SYNDIG1: variants seen among roughly 807,000 people sequenced by gnomAD.
SYNDIG1 encodes synapse differentiation inducing 1.
In SYNDIG1, 9 loss-of-function variants were observed where a neutral mutation model predicts 19.4. The ratio of observed to expected loss-of-function variants is 0.46; its 90% confidence interval spans 0.28 to 0.81. The LOEUF (loss-of-function observed/expected upper bound fraction) is 0.81, where lower values mean the gene tolerates loss of function less well. Among genes scored for constraint, SYNDIG1 ranks in the 30% least tolerant of loss-of-function variants. The pLI is 0.12. For missense variants in SYNDIG1, 311 were observed against 343.3 expected, an observed-to-expected ratio of 0.91 and a Z score of 0.74; for synonymous variants, 141 against 145.9, an observed-to-expected ratio of 0.97 and a Z score of 0.24.
intron 2 of SYNDIG1, among the ~76,000 whole-genome samples, chr20:24,557,912 T>C (rs1045424033): frequency 1.1e-4 from 16 of 152,230 alleles, no homozygotes; most frequent in Non-Finnish European, 2.2e-4. Flanking sequence ...GCTGTTCCTA[T>C]TCGGCCATCT....
intron 3 of SYNDIG1, among the ~76,000 whole-genome samples, chr20:24,623,757 T>TA (rs1236344230): frequency 5.3e-5 from 8 of 152,154 alleles, no homozygotes; most frequent in African/African-American, 1.9e-4. Context: ...AACTATATAT[T>TA]AAAAAAGAAG....
At chr20:24,539,872 G>A (rs1033792697) in intron 1 of SYNDIG1, among the ~76,000 whole-genome samples, 3 of 152,088 alleles carry the variant, frequency 2.0e-5, no homozygotes, top group Admixed American at 1.3e-4. Flanking sequence ...TCTGCCTCCT[G>A]TGTTCAAGAA....
intron 3 of SYNDIG1, among the ~76,000 whole-genome samples, chr20:24,597,382 C>A (rs2058611782): frequency 1.3e-5 from 2 of 152,136 alleles, no homozygotes; most frequent in African/African-American, 4.8e-5. Context: ...CGTCTTGTGT[C>A]TTTTTTCCAA....
chr20:24,633,800 A>G (rs2059283966), intron 3 of SYNDIG1, among the ~76,000 whole-genome samples: 1 of 152,012 alleles, frequency 6.6e-6, no homozygotes, highest in Non-Finnish European at 1.5e-5. Context: ...GCCTGTCCTA[A>G]TGGACCAGGC....
intron 3 of SYNDIG1, among the ~76,000 whole-genome samples, chr20:24,609,983 A>G (rs1415980432): frequency 2.6e-5 from 4 of 152,016 alleles, no homozygotes; most frequent in Admixed American, 2.6e-4. Flanking sequence ...CACCACCACC[A>G]CATGGGGCCT....
At chr20:24,489,601 C>T (rs1239426556) in intron 1 of SYNDIG1, among the ~76,000 whole-genome samples, 1 of 152,232 alleles carries the variant, frequency 6.6e-6, no homozygotes, top group Non-Finnish European at 1.5e-5. Context: ...TGACCACACA[C>T]AGACACATAC....
intron 1 of SYNDIG1, among the ~76,000 whole-genome samples, chr20:24,501,721 TG>T (rs1275768054): frequency 1.3e-5 from 2 of 152,256 alleles, no homozygotes; most frequent in African/African-American, 4.8e-5. Flanking sequence ...GCTTAGTCCC[TG>T]TGCTTCCGAT....
At chr20:24,656,871 G>A (rs2059530552) in intron 3 of SYNDIG1, among the ~76,000 whole-genome samples, 1 of 152,212 alleles carries the variant, frequency 6.6e-6, no homozygotes, top group Admixed American at 6.5e-5. Flanking sequence ...TTGGAGTTGG[G>A]GCCTGGTGGG....
At chr20:24,556,002 A>G (rs1035342068) in intron 2 of SYNDIG1, among the ~76,000 whole-genome samples, 1 of 152,192 alleles carries the variant, frequency 6.6e-6, no homozygotes, top group Non-Finnish European at 1.5e-5. Context: ...TATTGGGTGC[A>G]TATATATTTA....
chr20:24,471,334 A>G (rs2055448126), intron 1 of SYNDIG1, among the ~76,000 whole-genome samples: 1 of 152,046 alleles, frequency 6.6e-6, no homozygotes. Context: ...TCTGGCGCGG[A>G]CAGGAAGAAA....
At chr20:24,495,141 T>C (rs1428588467) in intron 1 of SYNDIG1, among the ~76,000 whole-genome samples, 1 of 152,234 alleles carries the variant, frequency 6.6e-6, no homozygotes, top group African/African-American at 2.4e-5. Flanking sequence ...GCCATGTTCC[T>C]CTACTAGGGT....
chr20:24,663,577 C>T (rs936223892), intron 3 of SYNDIG1, among the ~76,000 whole-genome samples: 3 of 152,178 alleles, frequency 2.0e-5, no homozygotes, highest in Admixed American at 6.5e-5. Context: ...GACCACAACA[C>T]ACAAGAGAGA....
In SYNDIG1 at chr20:24,665,797, C is replaced by G. The variant is rs569606195; in HGVS notation, c.*293C>G. On this transcript the variant is annotated 3_prime_UTR_variant, in exon 4 of 4. Coordinates refer to ENST00000376862, the MANE Select transcript of SYNDIG1 (RefSeq NM_024893.3). ...CTGGTGGATGAATGGCAACGCGGCT[C>G]TCTGCAGCCTGCCAGTGCCCAGAGT... is the stretch of plus-strand genomic sequence containing the variant. 9.6e-6 allele frequency: 4 copies of G among 418,506 alleles called. No individual in the cohort carries two copies. Among genetic ancestry groups the G allele is most frequent in the Admixed American group, 4.6e-5 (1 of 21,516 alleles). 25.9% of individuals were successfully genotyped at this position (418,506 alleles called of 1,614,324 possible). A position where few individuals can be genotyped will look rare whatever the true frequency, so the allele number is the denominator to read the frequency against.
At chr20:24,636,822 C>T (rs2059320992) in intron 3 of SYNDIG1, among the ~76,000 whole-genome samples, 1 of 152,212 alleles carries the variant, frequency 6.6e-6, no homozygotes, top group South Asian at 2.1e-4. Context: ...GAAAATCTTA[C>T]CAAGGACTCT....
intron 2 of SYNDIG1, among the ~76,000 whole-genome samples, chr20:24,573,391 A>G (rs1169097754): frequency 1.3e-5 from 2 of 152,080 alleles, no homozygotes; most frequent in East Asian, 3.9e-4. Context: ...CCCTACCCCC[A>G]GCTTTGCCTG....
At chr20:24,493,247 T>C (rs1178687451) in intron 1 of SYNDIG1, among the ~76,000 whole-genome samples, 2 of 152,268 alleles carry the variant, frequency 1.3e-5, no homozygotes, top group Non-Finnish European at 2.9e-5. Flanking sequence ...ACTTTCCTAG[T>C]TGTGGGTTTC....
Position 24,543,001 on chromosome 20 carries a change from C to A in SYNDIG1, c.-78-19C>A. The A allele has an allele frequency of 6.6e-7, 1 of 1,525,316 alleles. No individual in the cohort carries two copies. Among genetic ancestry groups the A allele is most frequent in the East Asian group, 2.3e-5 (1 of 44,134 alleles). The allele number at this position is 1,525,316 out of a possible 1,614,324, so 94.5% of individuals were successfully genotyped here. On this transcript the variant is annotated intron_variant, in intron 1 of 3. Transcript: ENST00000376862. ...CAAGTGTGATTCTCTTGTCTCATCT[C>A]TGTTTTCTCCTCCTCCAGGAGAAAT...
chr20:24,554,341 T>G (rs1036129179), intron 2 of SYNDIG1, among the ~76,000 whole-genome samples: 1 of 152,226 alleles, frequency 6.6e-6, no homozygotes, highest in Non-Finnish European at 1.5e-5. Flanking sequence ...TCCAACACTA[T>G]GTTGAATAGG....
intron 2 of SYNDIG1, among the ~76,000 whole-genome samples, chr20:24,545,939 G>C (rs1473596422): frequency 6.6e-6 from 1 of 152,216 alleles, no homozygotes; most frequent in Non-Finnish European, 1.5e-5. Flanking sequence ...GAAACAGCAA[G>C]TTGTTTACTT....
Sources: allele counts gnomAD v4.1 joint callset (sites outside exome capture counted in the v4.1 genomes callset), GRCh38; gene constraint gnomAD v4.1.1; transcripts MANE v1.5; gene names NCBI Gene and HGNC (gene_info 2026-07-23, HGNC 2026-07-21).